Variants in LMF1 observed in about 807,000 individuals in gnomAD.
LMF1 encodes the protein transmembrane protein 112.
A neutral mutation model predicts 60.6 loss-of-function variants in LMF1; 68 were observed. That is an observed-to-expected ratio of 1.12 (90% confidence interval 0.92 to 1.37). The LOEUF (loss-of-function observed/expected upper bound fraction) is 1.37. LMF1 is among the 40% of genes most tolerant of loss of function. The pLI, the probability that LMF1 is intolerant of heterozygous loss-of-function variation, is 0.00. For synonymous variants in LMF1, 418 were observed against 324.7 expected (o/e 1.29, Z -3.09); for missense variants, 948 against 767.2 (o/e 1.24, Z -2.78).
upstream of LMF1, among the ~76,000 whole-genome samples, chr16:972,793 C>T (rs1219968839): frequency 5.9e-5 from 9 of 152,234 alleles, no homozygotes; most frequent in East Asian, 3.9e-4. Flanking sequence ...TCCAGCGCTC[C>T]GGGCTCCGGC....
In LMF1 at chr16:970,853, T is replaced by C. The variant is rs756521202; in HGVS notation, c.128A>G (p.His43Arg). 2 of 1,557,412 alleles carry C rather than the reference T, an allele frequency of 1.3e-6. No homozygotes were observed. Among genetic ancestry groups the C allele is most frequent in the Admixed American group, 1.9e-5 (1 of 52,668 alleles). ...PGRGPAGSPA[H>R]LHTGTFWLTR... is the part of the protein sequence containing the mutation. ...CAGCCAGAAGGTGCCCGTGTGGAGA[T>C]GGGCCGGAGAGCCTGCGGGGCCACG... Residue 43 changes from histidine to arginine, a missense_variant, in exon 1 of 11, where the codon CAT becomes CGT. By Grantham distance (29) the His-to-Arg change is conservative. Transcript: ENST00000262301.
intron 10 of LMF1, among the ~76,000 whole-genome samples, chr16:859,115 TCGGGACGGGTGTGCACTGATGTCA>T (rs2069329845): frequency 3.4e-5 from 4 of 116,490 alleles, no homozygotes; most frequent in Admixed American, 8.8e-5. Flanking sequence ...CAGTGATGTC[TCGGGACGGGTGTGCACTGATGTCA>T]CGGGACGGGT....
At chr16:949,521 CAGCCAACGACAGAGTCAG>C (rs1204636718) in intron 2 of LMF1, among the ~76,000 whole-genome samples, 20 of 142,204 alleles carry the variant, frequency 1.4e-4, no homozygotes, top group Non-Finnish European at 6.0e-5. Flanking sequence ...ATGACAGAGT[CAGCCAACGACAGAGTCAG>C]AGCCAACGAC....
At position 959,063 on chromosome 16, in the gene LMF1, T is replaced by C. The variant is rs189938506; in HGVS notation, c.194-4397A>G. ...ATGAAGGGTTACCTTACAAATCAGCTACTGCACCTCTCAGGCCTTCAACCT... is the reference window on the plus strand; with the variant it reads ...ATGAAGGGTTACCTTACAAATCAGCCACTGCACCTCTCAGGCCTTCAACCT... On this transcript the variant is annotated intron_variant, in intron 1 of 10. Transcript: ENST00000262301. Among the ~76,000 whole-genome samples, 349 of 152,274 alleles carry C rather than the reference T, an allele frequency of 2.3e-3. 1 individual carries two copies. Among genetic ancestry groups the C allele is most frequent in the African/African-American group, 8.0e-3 (334 of 41,556 alleles).
chr16:934,164 C>G (rs1216165802), intron 3 of LMF1, 80 bp downstream of exon 3: 1 of 1,597,262 alleles, frequency 6.3e-7, no homozygotes, highest in African/African-American at 1.3e-5. Context: ...GGGGAGAGGC[C>G]AGGAAAAGTG....
Position 854,322 on chromosome 16 carries a change from G to A in LMF1, c.*210C>T. 1.4e-6 allele frequency: 1 copy of A among 699,194 alleles called. No individual in the cohort carries two copies. The highest frequency in any genetic ancestry group is 1.5e-5 in the South Asian group (1 of 66,676). 43.3% of individuals were successfully genotyped at this position (699,194 alleles called of 1,614,324 possible). On this transcript the variant is annotated 3_prime_UTR_variant, in exon 11 of 11. Coordinates refer to ENST00000262301, the MANE Select transcript of LMF1 (RefSeq NM_022773.4). ...TGGCGCCTGGGACAAGGGTTGGCCT[G>A]GATGTGGGGCCCCAGGTGGGCAGGG...
At chr16:890,418 G>A (rs554781368) in intron 5 of LMF1, among the ~76,000 whole-genome samples, 4 of 152,292 alleles carry the variant, frequency 2.6e-5, no homozygotes, top group South Asian at 2.1e-4. Flanking sequence ...GGAAGGAGCC[G>A]GCCCGGCCCC....
At chr16:882,210 A>C (rs957821524) in intron 5 of LMF1, among the ~76,000 whole-genome samples, 1 of 152,254 alleles carries the variant, frequency 6.6e-6, no homozygotes, top group Non-Finnish European at 1.5e-5. Context: ...TGTAACAGAC[A>C]TGGGGCTGAC....
intron 3 of LMF1, chr16:931,493 C>G: frequency 2.1e-6 from 1 of 471,936 alleles, no homozygotes; most frequent in Non-Finnish European, 3.5e-6. Flanking sequence ...CTCGGATGAG[C>G]TGAGGAACGC....
intron 10 of LMF1, among the ~76,000 whole-genome samples, chr16:858,884 C>T (rs867953981): frequency 7.3e-5 from 4 of 54,572 alleles, no homozygotes; most frequent in African/African-American, 2.6e-4. Context: ...TGTCTCGGGA[C>T]GGGTGTGCAG....
At chr16:926,280 A>G (rs181598361) in intron 3 of LMF1, among the ~76,000 whole-genome samples, 132 of 151,832 alleles carry the variant, frequency 8.7e-4, no homozygotes, top group African/African-American at 3.0e-3. Flanking sequence ...ACCTGTTTGC[A>G]TATGATCTGC....
At chr16:972,377 G>A (rs926418390), upstream of LMF1, among the ~76,000 whole-genome samples, 8 of 152,240 alleles carry the variant, frequency 5.3e-5, no homozygotes, top group Admixed American at 6.5e-5. Flanking sequence ...GTGTGTGCCT[G>A]AGGGCTCGGA....
At chr16:875,079 C>T (rs888122721) in intron 6 of LMF1, among the ~76,000 whole-genome samples, 1 of 152,158 alleles carries the variant, frequency 6.6e-6, no homozygotes, top group African/African-American at 2.4e-5. Flanking sequence ...GTGCTTCCAC[C>T]TCGTCCTGGA....
intron 3 of LMF1, among the ~76,000 whole-genome samples, chr16:919,619 G>A (rs959627802): frequency 3.0e-5 from 2 of 66,652 alleles, no homozygotes; most frequent in East Asian, 4.1e-4. Flanking sequence ...GCAGTCTCAT[G>A]TGGGTCACTC....
Position 854,263 on chromosome 16 carries a change from G to A in LMF1, c.*269C>T. ...GCACAGCCCCAGGCTGGGCCTCTGG[G>A]AGGAGGGTGGGATGGATGGGAGATC... On this transcript the variant is annotated 3_prime_UTR_variant, in exon 11 of 11. Coordinates refer to ENST00000262301, the MANE Select transcript of LMF1 (RefSeq NM_022773.4). 1 of 656,806 alleles carries A rather than the reference G, an allele frequency of 1.5e-6. No homozygotes were observed. Among genetic ancestry groups the A allele is most frequent in the Non-Finnish European group, 2.8e-6 (1 of 356,914 alleles). The allele number at this position is 656,806 out of a possible 1,614,324, so 40.7% of individuals were successfully genotyped here.
Position 879,670 on chromosome 16 carries a change from T to C in LMF1, c.797A>G (p.Glu266Gly). 1.9e-6 allele frequency: 3 copies of C among 1,610,822 alleles called. No homozygotes were observed. Among genetic ancestry groups the C allele is most frequent in the Non-Finnish European group, 2.5e-6 (3 of 1,178,774 alleles). The change falls in exon 6 of 11, where the codon GAG becomes GGG. Residue 266 changes from glutamate (E) to glycine (G), a missense_variant. Coordinates refer to ENST00000262301, the MANE Select transcript of LMF1 (RefSeq NM_022773.4). ...HHSPWWFHRF[E>G]TLSNHFIELL... ...CTCGATGAAGTGGTTGCTGAGCGTCTCGAAGCGATGGAACCACCAGGGTGA... is the reference window on the plus strand; with the variant it reads ...CTCGATGAAGTGGTTGCTGAGCGTCCCGAAGCGATGGAACCACCAGGGTGA...
intron 1 of LMF1, chr16:979,531 C>T: frequency 2.4e-6 from 1 of 417,272 alleles, no homozygotes; most frequent in Non-Finnish European, 4.8e-6. Flanking sequence ...CACCGTGCCC[C>T]AGAGTCAGGG....
intron 4 of LMF1, chr16:901,812 T>G (rs2070819691): frequency 1.3e-5 from 2 of 152,232 alleles, no homozygotes; most frequent in Admixed American, 1.3e-4. Context: ...AGGCGCCGCC[T>G]GCCCCGCCTG....
chr16:880,948 G>A (rs1428522759), intron 5 of LMF1, among the ~76,000 whole-genome samples: 2 of 152,220 alleles, frequency 1.3e-5, no homozygotes, highest in Non-Finnish European at 2.9e-5. Flanking sequence ...CACAGCCCGC[G>A]GGAGCCATTG....
Sources: gnomAD v4.1 joint callset for allele counts (sites outside exome capture counted in the v4.1 genomes callset) on GRCh38, gnomAD v4.1.1 for gene constraint, MANE v1.5 for transcripts, NCBI Gene and HGNC (gene_info 2026-07-23, HGNC 2026-07-21) for gene names.